The following KAZN variants were observed in gnomAD, a reference collection of about 807,000 sequenced individuals.
The protein encoded by KAZN is kazrin, periplakin interacting protein.
KAZN carries 40 observed loss-of-function variants against 87.4 expected under a neutral mutation model. The observed-to-expected ratio is 0.46, with a 90% CI of 0.36 to 0.60. KAZN has a LOEUF of 0.60. KAZN is among the 20% of genes least tolerant of loss of function. The probability of loss-of-function intolerance (pLI) is 0.00; values close to 1 mark genes in which losing one functional copy is unlikely to be tolerated. For synonymous variants in KAZN, 466 were observed against 458.3 expected, an observed-to-expected ratio of 1.02 and a Z score of -0.22; for missense variants, 898 against 1,073.9, an observed-to-expected ratio of 0.84 and a Z score of 2.29.
At chr1:14,869,071 T>C (rs182546813) in intron 1 of KAZN, among the ~76,000 whole-genome samples, 82 of 152,292 alleles carry the variant, frequency 5.4e-4, no homozygotes, top group East Asian at 4.5e-3. Flanking sequence ...TGCTAGCACC[T>C]TGGGATGTGT....
intron 1 of KAZN, among the ~76,000 whole-genome samples, chr1:13,993,688 A>C (rs1245522908): frequency 6.6e-6 from 1 of 152,224 alleles, no homozygotes; most frequent in African/African-American, 2.4e-5. Context: ...TTCAAAACAA[A>C]ATGAAATATC....
intron 2 of KAZN, among the ~76,000 whole-genome samples, chr1:14,326,889 A>G (rs1193992655): frequency 6.6e-6 from 1 of 151,844 alleles, no homozygotes; most frequent in African/African-American, 2.4e-5. Context: ...CTCTTCCCCC[A>G]TGTTGCCTGT....
intron 1 of KAZN, among the ~76,000 whole-genome samples, chr1:13,965,531 T>C (rs1386769746): frequency 6.6e-6 from 1 of 152,166 alleles, no homozygotes; most frequent in Non-Finnish European, 1.5e-5. Context: ...GACCTGTTAT[T>C]TGGTAAGTGT....
intron 2 of KAZN, among the ~76,000 whole-genome samples, chr1:14,345,673 C>T (rs918578212): frequency 6.6e-6 from 1 of 152,124 alleles, no homozygotes; most frequent in Non-Finnish European, 1.5e-5. Context: ...CCAGCCTAGA[C>T]AACGCTTAGA....
At chr1:14,947,017 C>T (rs1168130919) in intron 1 of KAZN, among the ~76,000 whole-genome samples, 8 of 152,206 alleles carry the variant, frequency 5.3e-5, no homozygotes, top group Non-Finnish European at 8.8e-5. Flanking sequence ...CAGCTTCCAT[C>T]TTTCCGTGGG....
Position 14,766,405 on chromosome 1 carries a change from A to G in KAZN, c.226+167182A>G, listed in dbSNP as rs761905352. 2.5e-4 allele frequency among the ~76,000 whole-genome samples: 38 copies of G among 152,098 alleles called. 1 individual carries two copies. The highest frequency in any genetic ancestry group is 2.4e-4 in the Non-Finnish European group (16 of 68,032). On this transcript the variant is annotated intron_variant, in intron 1 of 14. Coordinates refer to ENST00000376030, the MANE Select transcript of KAZN (RefSeq NM_201628.3). ...CAGAGGCTGGGAAAAGGCCTCGGGC[A>G]GAGCCACCAGTGTTTGCAAAAAACA...
Position 15,080,139 on chromosome 1 carries a change from C to T in KAZN, c.1223-14041C>T, listed in dbSNP as rs575225142. Reference sequence around the variant, plus strand: ...GGGACTGAAGGAGGAGGATGTCCTCCGAGGTTGGGAGAAGGGTGGCTGGTC... The same window carrying T: ...GGGACTGAAGGAGGAGGATGTCCTCTGAGGTTGGGAGAAGGGTGGCTGGTC... On this transcript the variant is annotated intron_variant, in intron 8 of 14. Coordinates refer to ENST00000376030, the MANE Select transcript of KAZN (RefSeq NM_201628.3). Among the ~76,000 whole-genome samples the T allele has an allele frequency of 1.0e-3, 154 of 152,158 alleles. 1 individual carries two copies. Among genetic ancestry groups the T allele is most frequent in the Non-Finnish European group, 1.9e-3 (128 of 68,012 alleles).
intron 1 of KAZN, among the ~76,000 whole-genome samples, chr1:14,959,890 G>A (rs908754651): frequency 3.9e-5 from 6 of 152,222 alleles, no homozygotes; most frequent in South Asian, 4.2e-4. Context: ...CTTCTGGGTC[G>A]CTTCCTGAGG....
chr1:15,103,907 G>C lies in KAZN; in HGVS notation c.1882-116G>C, dbSNP rs1207341480. On this transcript the variant is annotated intron_variant, in intron 12 of 14. Transcript: ENST00000376030. ...TTCCTCTTCACCGTCAAATTAACTG[G>C]TCCCCAGGGGGTCAAGCCCTTGCTG... The C allele has an allele frequency of 4.7e-6, 5 of 1,056,602 alleles. No individual in the cohort carries two copies. In the East Asian group the frequency reaches 1.3e-4, roughly 28 times the overall value. 65.5% of individuals were successfully genotyped at this position (1,056,602 alleles called of 1,614,324 possible). A position where few individuals can be genotyped will look rare whatever the true frequency, so the allele number is the denominator to read the frequency against.
intron 1 of KAZN, among the ~76,000 whole-genome samples, chr1:14,723,792 G>A (rs542686726): frequency 6.6e-6 from 1 of 152,276 alleles, no homozygotes; most frequent in East Asian, 1.9e-4. Flanking sequence ...GGCTTTGACT[G>A]ATCCAGAGGG....
chr1:14,500,140 C>G (rs966829048), intron 2 of KAZN, among the ~76,000 whole-genome samples: 1 of 152,074 alleles, frequency 6.6e-6, no homozygotes, highest in African/African-American at 2.4e-5. Flanking sequence ...CCCAGGGCCC[C>G]CAAGTCATGA....
At chr1:14,081,066 T>C (rs1390218567) in intron 1 of KAZN, among the ~76,000 whole-genome samples, 1 of 152,100 alleles carries the variant, frequency 6.6e-6, no homozygotes, top group Non-Finnish European at 1.5e-5. Flanking sequence ...ATCCAATGGA[T>C]ACATCTCTTT....
chr1:14,801,714 C>T (rs1453742715), intron 1 of KAZN, among the ~76,000 whole-genome samples: 3 of 149,458 alleles, frequency 2.0e-5, no homozygotes, highest in Non-Finnish European at 4.4e-5. Context: ...AGTGGAGTCT[C>T]GCTTTGTTGC....
intron 1 of KAZN, among the ~76,000 whole-genome samples, chr1:13,923,572 C>CAA (rs58947999): frequency 0.16 from 8,636 of 55,554 alleles, 451 homozygotes; most frequent in Middle Eastern, 0.23. Context: ...GACTCCATCT[C>CAA]AAAAAAAAAA....
intron 1 of KAZN, among the ~76,000 whole-genome samples, chr1:13,999,129 C>T (rs1422103826): frequency 6.6e-6 from 1 of 152,138 alleles, no homozygotes; most frequent in Admixed American, 6.5e-5. Context: ...GCAGGTGGAT[C>T]TTCAGGTCAG....
chr1:14,459,380 T>C (rs963799352), intron 2 of KAZN, among the ~76,000 whole-genome samples: 2 of 151,830 alleles, frequency 1.3e-5, no homozygotes, highest in African/African-American at 4.8e-5. Flanking sequence ...CTTTGTGTGA[T>C]TAATGTGAGG....
intron 1 of KAZN, among the ~76,000 whole-genome samples, chr1:14,783,216 A>T (rs1036263282): frequency 6.6e-5 from 10 of 152,134 alleles, no homozygotes; most frequent in Admixed American, 1.3e-4. Context: ...CCAGCACCTA[A>T]TACCTGTCTG....
intron 2 of KAZN, among the ~76,000 whole-genome samples, chr1:14,491,744 G>C (rs1245961447): frequency 6.6e-6 from 1 of 152,062 alleles, no homozygotes; most frequent in Non-Finnish European, 1.5e-5. Context: ...TATAAGTTCT[G>C]TGTGATTATA....
intron 1 of KAZN, among the ~76,000 whole-genome samples, chr1:14,637,381 A>AG (rs1680071614): frequency 6.6e-6 from 1 of 152,112 alleles, no homozygotes; most frequent in African/African-American, 2.4e-5. Flanking sequence ...GGGGGCCGGG[A>AG]GGGGGCAGGT....
Sources: gnomAD v4.1 joint callset for allele counts (sites outside exome capture counted in the v4.1 genomes callset) on GRCh38, gnomAD v4.1.1 for gene constraint, MANE v1.5 for transcripts, NCBI Gene and HGNC (gene_info 2026-07-23, HGNC 2026-07-21) for gene names.